Variants in CSMD1 observed in about 807,000 individuals in gnomAD.
The protein encoded by CSMD1 is CUB and sushi domain-containing protein 1.
In CSMD1, 213 loss-of-function variants were observed where a neutral mutation model predicts 417.5. That is an observed-to-expected ratio of 0.51 (90% CI 0.46 to 0.57). The LOEUF is 0.57. CSMD1 is among the 20% of genes least tolerant of loss of function. CSMD1 has a pLI of 0.00. For synonymous variants in CSMD1, 2,862 were observed against 1,736.8 expected (o/e 1.65, Z -16.11); for missense variants, 6,923 against 4,529.7 (o/e 1.53, Z -15.17).
intron 3 of CSMD1, among the ~76,000 whole-genome samples, chr8:4,214,494 T>A (rs1337522131): frequency 6.6e-6 from 1 of 152,128 alleles, no homozygotes; most frequent in Non-Finnish European, 1.5e-5. Flanking sequence ...GAAAGGGTCT[T>A]CCTCTGTTGC....
At chr8:4,675,767 A>T (rs1223869480) in intron 1 of CSMD1, among the ~76,000 whole-genome samples, 1 of 152,168 alleles carries the variant, frequency 6.6e-6, no homozygotes, top group Non-Finnish European at 1.5e-5. Flanking sequence ...ACTTGTCAAC[A>T]GTAAGCCTGT....
At chr8:4,058,638 A>C (rs1422873492) in intron 3 of CSMD1, among the ~76,000 whole-genome samples, 1 of 149,990 alleles carries the variant, frequency 6.7e-6, no homozygotes, top group Non-Finnish European at 1.5e-5. Context: ...CAGGGGTTGC[A>C]ATCCTAGTCT....
At chr8:3,094,862 C>G (rs138695033) in intron 47 of CSMD1, among the ~76,000 whole-genome samples, 1 of 147,024 alleles carries the variant, frequency 6.8e-6, no homozygotes, top group African/African-American at 2.5e-5. Flanking sequence ...ATGACATTTA[C>G]TGCAACAAAA....
intron 1 of CSMD1, among the ~76,000 whole-genome samples, chr8:4,976,583 A>C (rs548292709): frequency 6.6e-6 from 1 of 152,344 alleles, no homozygotes; most frequent in East Asian, 1.9e-4. Flanking sequence ...GTCCAAAATA[A>C]TGCAACAATT....
chr8:3,822,129 T>C (rs1473692102), intron 5 of CSMD1, among the ~76,000 whole-genome samples: 1 of 151,586 alleles, frequency 6.6e-6, no homozygotes, highest in Non-Finnish European at 1.5e-5. Context: ...TTTTTTTCTT[T>C]AAGAGCAAAG....
chr8:4,349,485 G>A (rs1411347248), intron 3 of CSMD1, among the ~76,000 whole-genome samples: 1 of 152,156 alleles, frequency 6.6e-6, no homozygotes, highest in Non-Finnish European at 1.5e-5. Context: ...AGAAAATGGA[G>A]AGCTCTATCT....
chr8:3,627,088 T>G (rs1796528874), intron 7 of CSMD1, among the ~76,000 whole-genome samples: 1 of 152,112 alleles, frequency 6.6e-6, no homozygotes, highest in Non-Finnish European at 1.5e-5. Context: ...CTGTGATAGT[T>G]TAACATTGTA....
intron 3 of CSMD1, among the ~76,000 whole-genome samples, chr8:4,119,735 A>G (rs1000803541): frequency 8.5e-5 from 13 of 152,190 alleles, no homozygotes; most frequent in African/African-American, 2.7e-4. Context: ...TCCAGCCTCC[A>G]AACAGTGGGA....
chr8:3,568,237 C>G (rs1482765512), intron 10 of CSMD1, among the ~76,000 whole-genome samples: 1 of 152,130 alleles, frequency 6.6e-6, no homozygotes, highest in African/African-American at 2.4e-5. Flanking sequence ...ATTTATTTCC[C>G]TAATCAAAGT....
chr8:3,151,175 C>T (rs1819171500), intron 40 of CSMD1: 1 of 458,974 alleles, frequency 2.2e-6, no homozygotes, highest in African/African-American at 2.0e-5. Flanking sequence ...ATCATTCGGC[C>T]AATTTAATTT....
intron 5 of CSMD1, among the ~76,000 whole-genome samples, chr8:3,903,640 T>G (rs777986714): frequency 6.6e-6 from 1 of 152,124 alleles, no homozygotes; most frequent in African/African-American, 2.4e-5. Flanking sequence ...TGTCAGAAAA[T>G]AAGGTTCTTG....
intron 3 of CSMD1, among the ~76,000 whole-genome samples, chr8:4,062,314 T>C (rs1454871915): frequency 6.6e-6 from 1 of 152,056 alleles, no homozygotes; most frequent in Non-Finnish European, 1.5e-5. Context: ...TGGGGACTTC[T>C]AAATAATATG....
intron 18 of CSMD1, among the ~76,000 whole-genome samples, chr8:3,385,398 T>G (rs968505781): frequency 7.9e-5 from 12 of 151,574 alleles, no homozygotes; most frequent in African/African-American, 1.5e-4. Flanking sequence ...TTATATCCTA[T>G]GCGGAAATCT....
At chr8:4,693,545 T>A (rs1226907711) in intron 1 of CSMD1, among the ~76,000 whole-genome samples, 1 of 152,260 alleles carries the variant, frequency 6.6e-6, no homozygotes, top group Non-Finnish European at 1.5e-5. Context: ...TACATTTTTT[T>A]ATTTTAAATA....
chr8:4,920,002 G>A (rs537431490), intron 1 of CSMD1, among the ~76,000 whole-genome samples: 2 of 152,148 alleles, frequency 1.3e-5, no homozygotes, highest in Admixed American at 1.3e-4. Flanking sequence ...ATACATTTCT[G>A]TTCTCTATCA....
chr8:3,973,193 G>A (rs1475640045), intron 5 of CSMD1, among the ~76,000 whole-genome samples: 1 of 152,184 alleles, frequency 6.6e-6, no homozygotes, highest in African/African-American at 2.4e-5. Flanking sequence ...TACCTTAAAT[G>A]GTGGTGCTGC....
chr8:4,651,430 A>G (rs1803889709), intron 1 of CSMD1, among the ~76,000 whole-genome samples: 1 of 152,156 alleles, frequency 6.6e-6, no homozygotes, highest in African/African-American at 2.4e-5. Context: ...ATCATTTCTA[A>G]TTTTTTGCAC....
chr8:4,097,839 G>A (rs533793335), intron 3 of CSMD1, among the ~76,000 whole-genome samples: 2 of 152,270 alleles, frequency 1.3e-5, no homozygotes, highest in Non-Finnish European at 2.9e-5. Context: ...TATTGTTTCA[G>A]ACAACGTTCT....
intron 1 of CSMD1, among the ~76,000 whole-genome samples, chr8:4,802,197 C>G (rs1160968509): frequency 6.6e-6 from 1 of 152,138 alleles, no homozygotes; most frequent in East Asian, 1.9e-4. Context: ...CTATAGGATG[C>G]TCATTTTGCA....
Sources: gnomAD v4.1 joint callset for allele counts (sites outside exome capture counted in the v4.1 genomes callset) on GRCh38, gnomAD v4.1.1 for gene constraint, MANE v1.5 for transcripts, NCBI Gene and HGNC (gene_info 2026-07-23, HGNC 2026-07-21) for gene names.